ZFR: variants seen among roughly 807,000 people sequenced by gnomAD.
The protein encoded by ZFR is zinc finger RNA-binding protein.
A neutral mutation model predicts 130.7 loss-of-function variants in ZFR; 19 were observed. The observed-to-expected ratio is 0.15, with a 90% CI of 0.10 to 0.21. The LOEUF is 0.21. Ranked by LOEUF, ZFR falls within the 10% of genes least tolerant of loss-of-function variation. ZFR has a pLI of 1.00. For synonymous variants in ZFR, 466 were observed against 456.9 expected (o/e 1.02, Z -0.25); for missense variants, 872 against 1,321.5 (o/e 0.66, Z 5.27).
At chr5:32,367,213 C>T (rs988982944) in intron 17 of ZFR, among the ~76,000 whole-genome samples, 1 of 151,962 alleles carries the variant, frequency 6.6e-6, no homozygotes, top group Non-Finnish European at 1.5e-5. Flanking sequence ...GTGGGTGGAT[C>T]ACCTGACGTG....
intron 2 of ZFR, among the ~76,000 whole-genome samples, chr5:32,438,695 A>G (rs1253691728): frequency 6.6e-6 from 1 of 152,066 alleles, no homozygotes; most frequent in Non-Finnish European, 1.5e-5. Context: ...GAGGACTCCA[A>G]ATGTTTTAAA....
chr5:32,394,149 T>C (rs1461313899), intron 11 of ZFR, among the ~76,000 whole-genome samples: 1 of 152,220 alleles, frequency 6.6e-6, no homozygotes, highest in East Asian at 1.9e-4. Flanking sequence ...TTAAAAGTTA[T>C]ACAAAAATAT....
At chr5:32,430,011 C>A (rs1238946440) in intron 2 of ZFR, among the ~76,000 whole-genome samples, 2 of 146,336 alleles carry the variant, frequency 1.4e-5, no homozygotes. Context: ...TGAGCTACAA[C>A]TGCACCACCG....
rs189657639 is a variant in ZFR, at chr5:32,358,476, C to T, written c.3046-2537G>A. 2.8e-3 allele frequency among the ~76,000 whole-genome samples: 421 copies of T among 152,010 alleles called. 1 individual carries two copies. Among genetic ancestry groups the T allele is most frequent in the African/African-American group, 9.4e-3 (388 of 41,464 alleles). On this transcript the variant is annotated intron_variant, in intron 19 of 19. Transcript: ENST00000265069. ...GAGATCCAGACCATCCTGGCTAACA[C>T]GGTGAAACCCCGTCTCTACTAAAAA...
chr5:32,427,268 A>G (rs1754093757), intron 2 of ZFR, among the ~76,000 whole-genome samples: 1 of 149,048 alleles, frequency 6.7e-6, no homozygotes, highest in Admixed American at 6.7e-5. Flanking sequence ...TGACACGTGC[A>G]TGTAGTCCCA....
intron 15 of ZFR, 85 bp downstream of exon 15, chr5:32,385,423 C>T: frequency 6.8e-7 from 1 of 1,473,184 alleles, no homozygotes; most frequent in Non-Finnish European, 9.2e-7. Context: ...CAGCATGTTG[C>T]CTTCTAGGGC....
rs139499239 is a variant in ZFR at position 32,391,016 on chromosome 5, C to T, written c.1980-579G>A. On this transcript the variant is annotated intron_variant, in intron 11 of 19. Transcript: ENST00000265069. ...CCATAAGGGAATACAATAGTCCCCA[C>T]CATTCTCATCGCCGTGGTTTCAGTT... Among the ~76,000 whole-genome samples, 1,189 of 152,310 alleles carry T rather than the reference C, an allele frequency of 7.8e-3. 15 individuals are homozygous for T. The highest frequency in any genetic ancestry group is 0.027 in the African/African-American group (1,121 of 41,566).
chr5:32,413,593 G>A (rs1753757620), intron 5 of ZFR, among the ~76,000 whole-genome samples: 1 of 151,976 alleles, frequency 6.6e-6, no homozygotes, highest in Non-Finnish European at 1.5e-5. Context: ...AGAAAGGAAA[G>A]GAAGCACATA....
intron 2 of ZFR, among the ~76,000 whole-genome samples, chr5:32,424,915 A>G (rs1289058911): frequency 6.6e-6 from 1 of 152,218 alleles, no homozygotes; most frequent in Non-Finnish European, 1.5e-5. Context: ...AAGTAGGGAA[A>G]GAGAAGGAGT....
At chr5:32,403,869 A>C in intron 7 of ZFR, 37 bp downstream of exon 7, 1 of 1,508,650 alleles carries the variant, frequency 6.6e-7, no homozygotes, top group Non-Finnish European at 8.9e-7. Context: ...AGATAACAGA[A>C]TCAAGGCATA....
intron 4 of ZFR, among the ~76,000 whole-genome samples, chr5:32,415,855 T>G (rs1215366344): frequency 6.6e-6 from 1 of 152,186 alleles, no homozygotes; most frequent in Non-Finnish European, 1.5e-5. Flanking sequence ...ACTAAATTAA[T>G]AATCACTTGT....
At chr5:32,379,300 T>C (rs1388912801) in intron 16 of ZFR, 90 bp from the exon 17 acceptor site, 1 of 1,106,774 alleles carries the variant, frequency 9.0e-7, no homozygotes, top group Non-Finnish European at 1.4e-6. Flanking sequence ...CACCGTTCAA[T>C]GGAAGCTCAG....
intron 9 of ZFR, 90 bp from the exon 10 acceptor site, chr5:32,397,428 A>G (rs1561889429): frequency 2.0e-6 from 3 of 1,483,088 alleles, no homozygotes; most frequent in Non-Finnish European, 2.7e-6. Context: ...AGTTGTACAC[A>G]GTTAGAAAGA....
intron 11 of ZFR, among the ~76,000 whole-genome samples, chr5:32,394,755 T>A (rs1056678416): frequency 6.6e-6 from 1 of 152,196 alleles, no homozygotes; most frequent in Non-Finnish European, 1.5e-5. Context: ...ATTTGAAATA[T>A]GTTTTCTCAA....
Position 32,365,518 on chromosome 5 carries a change from A to G in ZFR, c.2836-1243T>C, listed in dbSNP as rs149849217. 1.0e-3 allele frequency among the ~76,000 whole-genome samples: 156 copies of G among 152,232 alleles called. 2 individuals are homozygous for G. The East Asian group carries it at 0.021, about 21-fold the overall frequency. On this transcript the variant is annotated intron_variant, in intron 17 of 19. Transcript: ENST00000265069. ...GTAAGTCACAATTAAAAAAATTAAG[A>G]CAGCTCAGTTTATTCCGTTGAAGAA...
chr5:32,367,307 T>C (rs1752568233), intron 17 of ZFR, among the ~76,000 whole-genome samples: 1 of 151,906 alleles, frequency 6.6e-6, no homozygotes, highest in Non-Finnish European at 1.5e-5. Flanking sequence ...TGGTGGCAGG[T>C]GCCTGTAATC....
chr5:32,396,215 A>T (rs1254506055), intron 10 of ZFR, among the ~76,000 whole-genome samples: 1 of 150,714 alleles, frequency 6.6e-6, no homozygotes, highest in Non-Finnish European at 1.5e-5. Context: ...CCTATCTCAA[A>T]AAAAAAAAAA....
At position 32,406,890 on chromosome 5, in the gene ZFR, T is replaced by C. The variant is rs1753589728; in HGVS notation, c.916A>G (p.Thr306Ala). Residue 306 changes from threonine (T) to alanine (A), a missense_variant, in exon 6 of 20, where the codon ACC (threonine) becomes GCC (alanine). Around this residue, in one of 7 missense-constraint regions of ZFR, gnomAD observed 240 missense variants for 441.2 expected, o/e 0.54. Transcript: ENST00000265069. ...AATGGTGCTTTTTTAGTAAAGGTGG[T>C]CCCTGTCCAGGCAGCTGTTGCAGCA... ...AAAATAAWTG[T>A]TFTKKAPFQN... 6.2e-7 allele frequency: 1 copy of C among 1,613,812 alleles called. No homozygotes were observed. The highest frequency in any genetic ancestry group is 1.1e-5 in the South Asian group (1 of 91,060).
chr5:32,399,430 C>T (rs1157071836), intron 9 of ZFR, among the ~76,000 whole-genome samples: 1 of 152,176 alleles, frequency 6.6e-6, no homozygotes, highest in Non-Finnish European at 1.5e-5. Context: ...AACATATATG[C>T]TCTAAAGTCA....
Sources: allele counts gnomAD v4.1 joint callset (sites outside exome capture counted in the v4.1 genomes callset), GRCh38; gene constraint gnomAD v4.1.1; regional missense constraint gnomAD v4.1.1; transcripts MANE v1.5; gene names NCBI Gene and HGNC (gene_info 2026-07-23, HGNC 2026-07-21).